The following AKR1E2 variants were observed in gnomAD, a reference collection of about 807,000 sequenced individuals.
The protein encoded by AKR1E2 is aldo-keto reductase family 1 member E2.
In AKR1E2, 43 loss-of-function variants were observed where a neutral mutation model predicts 41.9. The observed-to-expected ratio is 1.03, with a 90% CI of 0.80 to 1.32. AKR1E2 has a LOEUF of 1.32. Ranked by LOEUF, AKR1E2 falls within the 40% of genes most tolerant of loss-of-function variation. AKR1E2 has a pLI of 0.00. For missense variants in AKR1E2, 423 were observed against 396.5 expected, an observed-to-expected ratio of 1.07 and a Z score of -0.57; for synonymous variants, 121 against 138.9, an observed-to-expected ratio of 0.87 and a Z score of 0.91.
At chr10:4,869,329 C>T in the AKR1E2 span, among the ~76,000 whole-genome samples, 1 of 152,044 alleles carries the variant, frequency 6.6e-6, no homozygotes, top group African/African-American at 2.4e-5. Context: ...GTTTGTAGTA[C>T]CCCATTACCA....
At chr10:4,860,818 C>G in the AKR1E2 span, among the ~76,000 whole-genome samples, 1 of 152,024 alleles carries the variant, frequency 6.6e-6, no homozygotes, top group Non-Finnish European at 1.5e-5. Context: ...TGATTTAATG[C>G]TTTTTGACCT....
Position 4,830,827 on chromosome 10 carries a change from G to A in AKR1E2, c.192G>A (p.Leu64=), listed in dbSNP as rs760047343. Reference sequence around the variant, plus strand: ...AAGGCGCTGTAAGACGGGAGGATCTGTTCATTGCCACTAAGGTAGGGCTTC... The same window carrying A: ...AAGGCGCTGTAAGACGGGAGGATCTATTCATTGCCACTAAGGTAGGGCTTC... The part of the protein sequence containing the change: ...IKEGAVRRED[L]FIATKLWCTC... Residue 64 remains leucine, a synonymous_variant, in exon 2 of 10, where the codon CTG becomes CTA. Transcript: ENST00000298375. 6.2e-7 allele frequency: 1 copy of A among 1,614,128 alleles called. No homozygotes were observed. Among genetic ancestry groups the A allele is most frequent in the East Asian group, 2.2e-5 (1 of 44,878 alleles).
Position 4,839,796 on chromosome 10 carries a change from T to C in AKR1E2, c.650T>C (p.Val217Ala). Residue 217 changes from valine (V) to alanine (A), a missense_variant, in exon 6 of 10, where the codon GTG becomes GCG. Val to Ala is a moderately conservative substitution (Grantham distance 64). Coordinates refer to ENST00000298375, the MANE Select transcript of AKR1E2 (RefSeq NM_001040177.3). ...ISFCQSRDVSVTAYRPLGGSC... is the reference protein window; with the variant it reads ...ISFCQSRDVSATAYRPLGGSC... ...TTTTGCCAATCCAGAGATGTGTCCG[T>C]GACTGCTTACCGTCCTCTTGGTGGC... is the stretch of plus-strand genomic sequence containing the variant. 2 of 1,614,214 alleles carry C rather than the reference T, an allele frequency of 1.2e-6. No homozygotes were observed. The highest frequency in any genetic ancestry group is 1.1e-5 in the South Asian group (1 of 91,084).
the AKR1E2 span, among the ~76,000 whole-genome samples, chr10:4,855,934 T>C: frequency 6.6e-6 from 1 of 152,178 alleles, no homozygotes; most frequent in Non-Finnish European, 1.5e-5. Flanking sequence ...TGGGGACATG[T>C]GGAGAGCCAT....
In AKR1E2 at chr10:4,826,235, C is replaced by G. The variant is rs568064687; in HGVS notation, c.-90C>G. The G allele has an allele frequency of 5.5e-6, 6 of 1,081,970 alleles. No individual in the cohort carries two copies. The highest frequency in any genetic ancestry group is 2.5e-4 in the Middle Eastern group (1 of 4,004). The allele number at this position is 1,081,970 out of a possible 1,614,324, so 67.0% of individuals were successfully genotyped here. Reference sequence around the variant, plus strand: ...ACAAGGCACTTCCAGCCAGTCGCAACGGCGGGTCGCCAGCGCCGCAGTAGC... The same window carrying G: ...ACAAGGCACTTCCAGCCAGTCGCAAGGGCGGGTCGCCAGCGCCGCAGTAGC... On this transcript the variant is annotated 5_prime_UTR_variant, in exon 1 of 10. Transcript: ENST00000298375.
At chr10:4,840,648 A>C (rs1016524645) in intron 6 of AKR1E2, among the ~76,000 whole-genome samples, 1 of 152,190 alleles carries the variant, frequency 6.6e-6, no homozygotes. Flanking sequence ...AGCCACATGA[A>C]GCTGCTGTGG....
chr10:4,860,667 ATTAAAT>A, the AKR1E2 span, among the ~76,000 whole-genome samples: 2 of 152,260 alleles, frequency 1.3e-5, no homozygotes, highest in African/African-American at 4.8e-5. Context: ...GCATCTGAAG[ATTAAAT>A]TTAAAAATCG....
the AKR1E2 span, among the ~76,000 whole-genome samples, chr10:4,857,284 G>A: frequency 5.1e-4 from 78 of 152,298 alleles, no homozygotes; most frequent in Non-Finnish European, 8.4e-4. Context: ...AACCTGGTGG[G>A]AGGTGATTGG....
the AKR1E2 span, among the ~76,000 whole-genome samples, chr10:4,853,162 C>T: frequency 1.3e-5 from 2 of 151,988 alleles, no homozygotes; most frequent in Non-Finnish European, 2.9e-5. Flanking sequence ...TAATATATTC[C>T]CCAAGGCAAA....
At chr10:4,845,057 C>A (rs1334933740) in intron 8 of AKR1E2, among the ~76,000 whole-genome samples, 2 of 152,312 alleles carry the variant, frequency 1.3e-5, no homozygotes, top group East Asian at 3.9e-4. Context: ...CCGAGCCCTG[C>A]CCTGCGGGGA....
the AKR1E2 span, among the ~76,000 whole-genome samples, chr10:4,858,563 A>T: frequency 6.6e-6 from 1 of 152,218 alleles, no homozygotes; most frequent in Admixed American, 6.5e-5. Flanking sequence ...AGTGTGTGGA[A>T]GATCAGGCCA....
chr10:4,854,801 A>C, the AKR1E2 span, among the ~76,000 whole-genome samples: 1 of 152,014 alleles, frequency 6.6e-6, no homozygotes, highest in East Asian at 1.9e-4. Context: ...GCCCCTCTTC[A>C]TAAAAGGCAA....
intron 5 of AKR1E2, among the ~76,000 whole-genome samples, chr10:4,837,929 A>C (rs1321856473): frequency 1.3e-5 from 2 of 152,224 alleles, no homozygotes. Context: ...CCCAGCCTGC[A>C]GACTGCAGCA....
chr10:4,845,619 A>G (rs1050883533), intron 8 of AKR1E2, among the ~76,000 whole-genome samples: 9 of 152,178 alleles, frequency 5.9e-5, no homozygotes, highest in African/African-American at 2.2e-4. Flanking sequence ...GGGAGGAGCC[A>G]CCGAGTGAGC....
rs1832923081 is a variant in AKR1E2 at position 4,830,941 on chromosome 10, C to T, written c.207+99C>T. The T allele has an allele frequency of 4.2e-6, 6 of 1,420,376 alleles. No homozygotes were observed. The Admixed American group carries it at 8.3e-5, about 20-fold the overall frequency. 88.0% of individuals were successfully genotyped at this position (1,420,376 alleles called of 1,614,324 possible). A position where few individuals can be genotyped will look rare whatever the true frequency, so the allele number is the denominator to read the frequency against. ...TGGGAGTTGATGACTTTGTTTCATA[C>T]TCAAATCGGAATAAACAAGAATATT... On this transcript the variant is annotated intron_variant, in intron 2 of 9. Transcript: ENST00000298375.
At chr10:4,835,873 G>A (rs1280313294) in intron 4 of AKR1E2, 64 bp downstream of exon 4, 14 of 1,580,708 alleles carry the variant, frequency 8.9e-6, no homozygotes, top group Middle Eastern at 2.0e-4. Context: ...GATGCAGTGA[G>A]CCCTGAGCTG....
chr10:4,847,113 C>A, intron 8 of AKR1E2, 35 bp from the exon 9 acceptor site: 1 of 1,613,048 alleles, frequency 6.2e-7, no homozygotes, highest in Non-Finnish European at 8.5e-7. Context: ...GTGAATTAAA[C>A]TAAGTTTTCT....
At chr10:4,826,434 C>A (rs1832511187) in intron 1 of AKR1E2, 71 bp downstream of exon 1, 5 of 1,203,268 alleles carry the variant, frequency 4.2e-6, no homozygotes, top group Non-Finnish European at 5.2e-6. Flanking sequence ...CCCGATGGGA[C>A]CCAGGCCGGG....
intron 6 of AKR1E2, among the ~76,000 whole-genome samples, chr10:4,840,218 C>T (rs1365059131): frequency 6.6e-6 from 1 of 152,182 alleles, no homozygotes; most frequent in African/African-American, 2.4e-5. Context: ...TGCAGCTGTA[C>T]TGTGCTCCCA....
Sources: allele counts gnomAD v4.1 joint callset (sites outside exome capture counted in the v4.1 genomes callset), GRCh38; gene constraint gnomAD v4.1.1; transcripts MANE v1.5; gene names NCBI Gene and HGNC (gene_info 2026-07-23, HGNC 2026-07-21).